ABL2: variants seen among roughly 807,000 people sequenced by gnomAD.
ABL2 encodes tyrosine-protein kinase ABL2.
ABL2 carries 49 observed loss-of-function variants against 107.7 expected under a neutral mutation model. That is an observed-to-expected ratio of 0.45 (90% CI 0.36 to 0.58). The LOEUF is 0.58. Ranked by LOEUF, ABL2 falls within the 20% of genes least tolerant of loss-of-function variation. The pLI, the probability that ABL2 is intolerant of heterozygous loss-of-function variation, is 0.00. For synonymous variants in ABL2, 549 were observed against 548.6 expected, an observed-to-expected ratio of 1.00 and a Z score of -0.01; for missense variants, 1,245 against 1,457.0, an observed-to-expected ratio of 0.85 and a Z score of 2.37.
At chr1:179,166,331 T>C (rs1404954177) in intron 1 of ABL2, among the ~76,000 whole-genome samples, 2 of 151,422 alleles carry the variant, frequency 1.3e-5, no homozygotes, top group Admixed American at 6.6e-5. Flanking sequence ...GAGAAAATAT[T>C]TGCAAACTAT....
At position 179,210,520 on chromosome 1, in the gene ABL2, A is replaced by AAAAG. The variant is rs1553233502; in HGVS notation, c.157+18720_157+18721insCTTT. 1.9e-3 allele frequency among the ~76,000 whole-genome samples: 275 copies of AAAAG among 146,492 alleles called. 1 individual carries two copies. The highest frequency in any genetic ancestry group is 6.8e-3 in the African/African-American group (265 of 39,134). ...CTAACTCACAAAAAAAAAAAAAAAG[A>AAAAG]AAAAAAAAAGCTTTAAGAGAAAAAT... On this transcript the variant is annotated intron_variant, in intron 1 of 11. Transcript: ENST00000502732.
At chr1:179,207,211 T>G (rs1457817314) in intron 1 of ABL2, among the ~76,000 whole-genome samples, 2 of 151,816 alleles carry the variant, frequency 1.3e-5, no homozygotes, top group Non-Finnish European at 2.9e-5. Context: ...AGCTGTTCTA[T>G]CTATCTGAAT....
chr1:179,109,198 G>A lies in ABL2; in HGVS notation c.2069C>T (p.Ser690Leu). The change falls in exon 12 of 12, where the codon TCA (serine) becomes TTA (leucine). Residue 690 changes from serine to leucine, a missense_variant. Around this residue, in one of 3 missense-constraint regions of ABL2, gnomAD observed 761 missense variants for 766.4 expected, o/e 0.99. Coordinates refer to ENST00000502732, the MANE Select transcript of ABL2 (RefSeq NM_007314.4). ...HKKYELTGNF[S>L]SVASLQHADG... ...AGCATGCTGTAGAGAAGCAACAGAT[G>A]AGAAGTTACCCGTGAGTTCGTATTT... is the stretch of plus-strand genomic sequence containing the variant. The A allele has an allele frequency of 6.2e-7, 1 of 1,614,108 alleles. No homozygotes were observed.
At chr1:179,109,589 A>T in intron 11 of ABL2, 148 bp from the exon 12 acceptor site, 3 of 1,299,500 alleles carry the variant, frequency 2.3e-6, no homozygotes, top group Non-Finnish European at 3.1e-6. Flanking sequence ...ATACATTATC[A>T]TTTCACAGTG....
At chr1:179,153,298 G>C (rs1658477164) in intron 1 of ABL2, among the ~76,000 whole-genome samples, 1 of 151,850 alleles carries the variant, frequency 6.6e-6, no homozygotes, top group South Asian at 2.1e-4. Context: ...CTAGGCTATT[G>C]GCTCCTGTAT....
intron 1 of ABL2, chr1:179,201,599 T>C (rs1661670382): frequency 2.5e-6 from 1 of 404,172 alleles, no homozygotes; most frequent in Non-Finnish European, 4.6e-6. Context: ...GCTGGTTATT[T>C]CCTCTGCCTT....
At chr1:179,177,468 A>T (rs1660114528) in intron 1 of ABL2, among the ~76,000 whole-genome samples, 1 of 152,252 alleles carries the variant, frequency 6.6e-6, no homozygotes, top group Admixed American at 6.5e-5. Flanking sequence ...TAACAGCAGA[A>T]TTCAGAAGGG....
At chr1:179,132,236 TTTA>T (rs1461342582) in intron 2 of ABL2, among the ~76,000 whole-genome samples, 142 of 152,324 alleles carry the variant, frequency 9.3e-4, no homozygotes, top group African/African-American at 3.2e-3. Context: ...TCATCGGGCA[TTTA>T]TTGAGTTTCT....
intron 4 of ABL2, among the ~76,000 whole-genome samples, chr1:179,125,094 A>G (rs1374698816): frequency 1.3e-5 from 2 of 152,206 alleles, no homozygotes; most frequent in African/African-American, 2.4e-5. Context: ...CAAACTCTTC[A>G]TAAGGGCCAG....
chr1:179,133,244 C>A (rs1257843460), intron 2 of ABL2, 68 bp downstream of exon 2: 21 of 1,595,544 alleles, frequency 1.3e-5, no homozygotes, highest in Non-Finnish European at 1.8e-5. Flanking sequence ...TTTTCAAATC[C>A]ATTCCCTGTT....
At chr1:179,129,457 G>A (rs1176037035) in intron 3 of ABL2, among the ~76,000 whole-genome samples, 1 of 152,154 alleles carries the variant, frequency 6.6e-6, no homozygotes, top group Admixed American at 6.5e-5. Context: ...GCTGAAGCAG[G>A]TGGATCACAG....
Position 179,100,557 on chromosome 1 carries a change from A to T in ABL2, c.*7161T>A, listed in dbSNP as rs573297368. 4.4e-6 allele frequency: 1 copy of T among 229,420 alleles called. No homozygotes were observed. The highest frequency in any genetic ancestry group is 2.2e-5 in the African/African-American group (1 of 45,276). 14.2% of individuals were successfully genotyped at this position (229,420 alleles called of 1,614,324 possible). On this transcript the variant is annotated 3_prime_UTR_variant, in exon 12 of 12. Transcript: ENST00000502732. ...AAATTTAAGCAAGTTCTGACTACACAAACTCCTTATGTTTCCTTTCATAAA... is the reference window on the plus strand; with the variant it reads ...AAATTTAAGCAAGTTCTGACTACACTAACTCCTTATGTTTCCTTTCATAAA...
At chr1:179,198,172 CAAAAAAAA>C (rs201688067) in intron 1 of ABL2, among the ~76,000 whole-genome samples, 1 of 63,580 alleles carries the variant, frequency 1.6e-5, no homozygotes, top group African/African-American at 6.2e-5. Flanking sequence ...AACCCTGTGC[CAAAAAAAA>C]AAAAAAAAAA....
At chr1:179,148,095 G>C (rs1303133390) in intron 1 of ABL2, among the ~76,000 whole-genome samples, 1 of 146,370 alleles carries the variant, frequency 6.8e-6, no homozygotes, top group African/African-American at 2.5e-5. Flanking sequence ...CTGGAGTGCA[G>C]TGGCATGATC....
rs1226560170 is a variant in ABL2, at chr1:179,101,756, T to A, written c.*5962A>T. The A allele has an allele frequency of 5.3e-6, 1 of 187,042 alleles. No homozygotes were observed. Among genetic ancestry groups the A allele is most frequent in the Non-Finnish European group, 1.1e-5 (1 of 88,568 alleles). 11.6% of individuals were successfully genotyped at this position (187,042 alleles called of 1,614,324 possible). A position where few individuals can be genotyped will look rare whatever the true frequency, so the allele number is the denominator to read the frequency against. Reference sequence around the variant, plus strand: ...AAGCAGAAATTCATCCGTCTGCACATTGCAATAAACTTCCCAAGAGACAGG... The same window carrying A: ...AAGCAGAAATTCATCCGTCTGCACAATGCAATAAACTTCCCAAGAGACAGG... On this transcript the variant is annotated 3_prime_UTR_variant, in exon 12 of 12. Transcript: ENST00000502732.
chr1:179,148,912 A>G (rs1658194683), intron 1 of ABL2, among the ~76,000 whole-genome samples: 1 of 95,338 alleles, frequency 1.0e-5, no homozygotes. Context: ...AAAAAAAAAA[A>G]AGGAAAAAAA....
chr1:179,139,239 C>T (rs1657340624), intron 1 of ABL2, among the ~76,000 whole-genome samples: 1 of 152,300 alleles, frequency 6.6e-6, no homozygotes, highest in Admixed American at 6.5e-5. Flanking sequence ...CAAAGATCTG[C>T]AGCTTCACTC....
intron 1 of ABL2, among the ~76,000 whole-genome samples, chr1:179,217,226 C>T (rs57769288): frequency 2.6e-5 from 4 of 151,602 alleles, no homozygotes; most frequent in Non-Finnish European, 5.9e-5. Context: ...CTCAGAAGGC[C>T]GAGGTTGAAC....
At chr1:179,152,248 T>C (rs576339447) in intron 1 of ABL2, among the ~76,000 whole-genome samples, 3 of 152,328 alleles carry the variant, frequency 2.0e-5, no homozygotes, top group African/African-American at 7.2e-5. Context: ...ACTTGGAGTC[T>C]TGATTCAGCT....
Sources: allele counts gnomAD v4.1 joint callset (sites outside exome capture counted in the v4.1 genomes callset), GRCh38; gene constraint gnomAD v4.1.1; regional missense constraint gnomAD v4.1.1; transcripts MANE v1.5; gene names NCBI Gene and HGNC (gene_info 2026-07-23, HGNC 2026-07-21).